The following GALNT15 variants were observed in gnomAD, a reference collection of about 807,000 sequenced individuals.
GALNT15 encodes UDP-GalNAc transferase T15.
Under a neutral mutation model 66.8 loss-of-function variants are expected in GALNT15, and 67 were observed. The ratio of observed to expected loss-of-function variants is 1.00; its 90% CI spans 0.82 to 1.23. GALNT15 has a LOEUF of 1.23. GALNT15 is among the 50% of genes most tolerant of loss of function. The pLI is 0.00. For synonymous variants in GALNT15, 313 were observed against 311.5 expected, an observed-to-expected ratio of 1.00 and a Z score of -0.05; for missense variants, 827 against 804.3, an observed-to-expected ratio of 1.03 and a Z score of -0.34.
chr3:16,235,027 A>G (rs1423652426), downstream of GALNT15, among the ~76,000 whole-genome samples: 1 of 149,904 alleles, frequency 6.7e-6, no homozygotes, highest in Non-Finnish European at 1.5e-5. Flanking sequence ...GGTTCACACC[A>G]TTATCCTGCC....
At chr3:16,222,384 A>G (rs891886541) in intron 8 of GALNT15, among the ~76,000 whole-genome samples, 4 of 152,230 alleles carry the variant, frequency 2.6e-5, no homozygotes, top group Admixed American at 1.3e-4. Flanking sequence ...GAAACATGCC[A>G]GAATGTATAA....
chr3:16,189,155 C>T lies in GALNT15; in HGVS notation c.540-6605C>T, dbSNP rs1215461439. On this transcript the variant is annotated intron_variant, in intron 1 of 9. Coordinates refer to ENST00000339732, the MANE Select transcript of GALNT15 (RefSeq NM_054110.5). The surrounding 1 kb of genome is among the most constrained non-coding windows in gnomAD (Gnocchi z 5.1). ...GATTGGAGAGCTTTGCTCCCGGTGG[C>T]AGCCTGAATCACAGGAAACATTTTG... Among the ~76,000 whole-genome samples, 3 of 152,316 alleles carry T rather than the reference C, an allele frequency of 2.0e-5. No individual in the cohort carries two copies. The highest frequency in any genetic ancestry group is 7.2e-5 in the African/African-American group (3 of 41,572).
In GALNT15 at chr3:16,203,091, C is replaced by G. The variant is rs1463985275; in HGVS notation, c.911+2268C>G. 6.6e-6 allele frequency among the ~76,000 whole-genome samples: 1 copy of G among 152,130 alleles called. No homozygotes were observed. Among genetic ancestry groups the G allele is most frequent in the Non-Finnish European group, 1.5e-5 (1 of 68,026 alleles). ...TTTTATAGGGGGAGAAATTGAGGCT[C>G]AGAGAGGTGACATGATATGTAAGGG... On this transcript the variant is annotated intron_variant, in intron 3 of 9. Coordinates refer to ENST00000339732, the MANE Select transcript of GALNT15 (RefSeq NM_054110.5). The surrounding 1 kb of genome is among the most constrained non-coding windows in gnomAD (Gnocchi z 6.2).
chr3:16,227,242 T>G lies in GALNT15; in HGVS notation c.1774-112T>G, dbSNP rs2064030008. The G allele has an allele frequency of 8.7e-7, 1 of 1,152,484 alleles. No individual in the cohort carries two copies. The highest frequency in any genetic ancestry group is 1.2e-6 in the Non-Finnish European group (1 of 818,538). The allele number at this position is 1,152,484 out of a possible 1,614,324, so 71.4% of individuals were successfully genotyped here. The stretch of plus-strand genomic sequence containing the variant: ...ATACCACAATTCCTTTCCAGGCCAG[T>G]TCACACCATCTGTTATTCTCTTAAT... On this transcript the variant is annotated intron_variant, in intron 9 of 9. Coordinates refer to ENST00000339732, the MANE Select transcript of GALNT15 (RefSeq NM_054110.5). The surrounding 1 kb of genome is among the most constrained non-coding windows in gnomAD (Gnocchi z 4.5).
At chr3:16,236,131 A>AAAAAAAAAAAAAAAT (rs869163721), downstream of GALNT15, among the ~76,000 whole-genome samples, 2 of 147,470 alleles carry the variant, frequency 1.4e-5, no homozygotes, top group East Asian at 2.0e-4. Context: ...AAAAAAAAAA[A>AAAAAAAAAAAAAAAT]GGACTGGGCA....
At chr3:16,235,595 G>A (rs937656134), downstream of GALNT15, among the ~76,000 whole-genome samples, 1 of 152,170 alleles carries the variant, frequency 6.6e-6, no homozygotes, top group Non-Finnish European at 1.5e-5. Context: ...TCTCTAGTGA[G>A]GGCAGGAGTG....
intron 6 of GALNT15, among the ~76,000 whole-genome samples, chr3:16,214,109 C>T (rs931112399): frequency 6.6e-6 from 1 of 152,226 alleles, no homozygotes; most frequent in Admixed American, 6.5e-5. Flanking sequence ...TGGCTCCTTT[C>T]CTGGTGCAGG....
chr3:16,221,888 T>C (rs1195529109), intron 8 of GALNT15, among the ~76,000 whole-genome samples: 1 of 152,186 alleles, frequency 6.6e-6, no homozygotes, highest in East Asian at 1.9e-4. Context: ...TAGTCTTTAA[T>C]TTGACAATTA....
rs910516320 is a variant in GALNT15 at position 16,229,267 on chromosome 3, C to A, written c.*1767C>A. 2 of 983,378 alleles carry A rather than the reference C, an allele frequency of 2.0e-6. No homozygotes were observed. The highest frequency in any genetic ancestry group is 6.2e-5 in the Admixed American group (1 of 16,260). 60.9% of individuals were successfully genotyped at this position (983,378 alleles called of 1,614,324 possible). ...CTCCTTCCTCAGAATACACTCTGGA[C>A]CTGTGCTGTCTAATATGGTAGCCAC... On this transcript the variant is annotated 3_prime_UTR_variant, in exon 10 of 10. Transcript: ENST00000339732.
intron 3 of GALNT15, among the ~76,000 whole-genome samples, chr3:16,207,501 T>TAAAAAAAAAAA (rs36127239): frequency 2.5e-5 from 1 of 39,802 alleles, no homozygotes; most frequent in Non-Finnish European, 4.2e-5. Context: ...CTCCAGGCTG[T>TAAAAAAAAAAA]AAAAAAAAAA....
rs979840379 is a variant in GALNT15, at chr3:16,190,504, G to A, written c.540-5256G>A. On this transcript the variant is annotated intron_variant, in intron 1 of 9. Transcript: ENST00000339732. The stretch of plus-strand genomic sequence containing the variant: ...ATACAAAAAATTAGCCGGGCGTGGT[G>A]GCGGGCGCCTGTAGTCCCAGCTACT... 8.5e-5 allele frequency among the ~76,000 whole-genome samples: 13 copies of A among 152,248 alleles called. No homozygotes were observed. In the East Asian group the frequency reaches 1.2e-3, roughly 14 times the overall value.
chr3:16,239,481 G>A, the GALNT15 span, among the ~76,000 whole-genome samples: 1 of 152,098 alleles, frequency 6.6e-6, no homozygotes, highest in East Asian at 1.9e-4. This position sits in a 1 kb window ranked among gnomAD's most constrained non-coding sequence, Gnocchi z 5.2. Flanking sequence ...CAATTCCTGG[G>A]TATTATCCAT....
In GALNT15 at chr3:16,175,108, G is replaced by C; in HGVS notation, c.-44G>C. ...TTGAAGGAGCCTGGAGCGGGAGAAA[G>C]CTAACTTGAACATGACCTGTTGCAT... On this transcript the variant is annotated 5_prime_UTR_variant, in exon 1 of 10. Coordinates refer to ENST00000339732, the MANE Select transcript of GALNT15 (RefSeq NM_054110.5). This position sits in a 1 kb window ranked among gnomAD's most constrained non-coding sequence, Gnocchi z 5.6. 1 of 1,566,748 alleles carries C rather than the reference G, an allele frequency of 6.4e-7. No homozygotes were observed. Among genetic ancestry groups the C allele is most frequent in the South Asian group, 1.2e-5 (1 of 84,156 alleles).
At position 16,212,880 on chromosome 3, in the gene GALNT15, CT is replaced by C; in HGVS notation, c.1392+119del. 3.4e-6 allele frequency: 3 copies of C among 870,804 alleles called. No homozygotes were observed. The South Asian group carries it at 5.3e-5, about 15-fold the overall frequency. 53.9% of individuals were successfully genotyped at this position (870,804 alleles called of 1,614,324 possible). A position where few individuals can be genotyped will look rare whatever the true frequency, so the allele number is the denominator to read the frequency against. On this transcript the variant is annotated intron_variant, in intron 6 of 9. Transcript: ENST00000339732. ...GGAAAACAGAAGATTCTGGCTTGAG[CT>C]TCCCTCATGCTGCCCTATTTTAAGT...
rs1210826660 is a variant in GALNT15, at chr3:16,203,177, T to C, written c.911+2354T>C. ...TGGGTCCAGTGCTGTTTTTATTGTG[T>C]ACATTTTCTTTTTAAGAGTTGGAGA... On this transcript the variant is annotated intron_variant, in intron 3 of 9. Transcript: ENST00000339732. The surrounding 1 kb of genome is among the most constrained non-coding windows in gnomAD (Gnocchi z 6.2). 2.6e-5 allele frequency among the ~76,000 whole-genome samples: 4 copies of C among 152,256 alleles called. No homozygotes were observed. The highest frequency in any genetic ancestry group is 2.6e-4 in the Admixed American group (4 of 15,298).
chr3:16,219,868 G>A lies in GALNT15; in HGVS notation c.1525-42G>A, dbSNP rs998873622. 1.3e-6 allele frequency: 2 copies of A among 1,505,260 alleles called. No homozygotes were observed. The highest frequency in any genetic ancestry group is 1.8e-6 in the Non-Finnish European group (2 of 1,081,432). 93.2% of individuals were successfully genotyped at this position (1,505,260 alleles called of 1,614,324 possible). On this transcript the variant is annotated intron_variant, in intron 7 of 9. Transcript: ENST00000339732. The surrounding 1 kb of genome is among the most constrained non-coding windows in gnomAD (Gnocchi z 4.3). ...GTGTCTGACCGAGGGTGTCTTTACA[G>A]TGGAATCTGGAATTCACTCCTGTGT...
chr3:16,195,839 C>G lies in GALNT15; in HGVS notation c.619C>G (p.Leu207Val), dbSNP rs150986489. ...TTTCCATGATGAGGCCTGGTCCACTCTCCTGCGGACTGTACACAGCATCCT... is the reference window on the plus strand; with the variant it reads ...TTTCCATGATGAGGCCTGGTCCACTGTCCTGCGGACTGTACACAGCATCCT... ...LCFHDEAWST[L>V]LRTVHSILDT... The change falls in exon 2 of 10, where the codon CTC becomes GTC. Residue 207 changes from leucine to valine, a missense_variant. Coordinates refer to ENST00000339732, the MANE Select transcript of GALNT15 (RefSeq NM_054110.5). The surrounding 1 kb of genome is among the most constrained non-coding windows in gnomAD (Gnocchi z 4.6). 1.5e-4 allele frequency: 246 copies of G among 1,614,130 alleles called. 3 individuals carry two copies. The South Asian group carries it at 1.6e-3, about 10-fold the overall frequency.
At chr3:16,223,807 C>T (rs1441423371) in intron 9 of GALNT15, among the ~76,000 whole-genome samples, 1 of 151,790 alleles carries the variant, frequency 6.6e-6, no homozygotes, top group Non-Finnish European at 1.5e-5. Flanking sequence ...ATTCTTGTGC[C>T]TCAGCCTGCT....
intron 6 of GALNT15, among the ~76,000 whole-genome samples, chr3:16,218,858 AG>A (rs1047433425): frequency 1.1e-4 from 14 of 122,874 alleles, no homozygotes; most frequent in Admixed American, 8.7e-4. Context: ...TCTGTCGCCC[AG>A]GCTGGAGTAC....
Sources: gnomAD v4.1 joint callset for allele counts (sites outside exome capture counted in the v4.1 genomes callset) on GRCh38, gnomAD v4.1.1 for gene constraint, Gnocchi (gnomAD v3.1) non-coding constraint, MANE v1.5 for transcripts, NCBI Gene and HGNC (gene_info 2026-07-23, HGNC 2026-07-21) for gene names.